PALLD: variants seen among roughly 807,000 people sequenced by gnomAD.
PALLD encodes the protein palladin.
A neutral mutation model predicts 123.5 loss-of-function variants in PALLD; 61 were observed. The ratio of observed to expected loss-of-function variants is 0.49; its 90% confidence interval spans 0.40 to 0.61. PALLD has a LOEUF of 0.61. Among genes scored for constraint, PALLD ranks in the 20% least tolerant of loss-of-function variants. PALLD has a pLI of 0.00. For synonymous variants in PALLD, 465 were observed against 496.4 expected, an observed-to-expected ratio of 0.94 and a Z score of 0.84; for missense variants, 1,273 against 1,377.0, an observed-to-expected ratio of 0.92 and a Z score of 1.20.
chr4:168,670,756 CAAA>C (rs1297875131), intron 3 of PALLD, among the ~76,000 whole-genome samples: 20 of 70,270 alleles, frequency 2.8e-4, no homozygotes, highest in Non-Finnish European at 3.8e-4. Flanking sequence ...ACAAAAAAAA[CAAA>C]AAAAACAAAA....
chr4:168,522,371 G>A (rs1561205877), intron 2 of PALLD, among the ~76,000 whole-genome samples: 1 of 152,192 alleles, frequency 6.6e-6, no homozygotes, highest in Non-Finnish European at 1.5e-5. Context: ...AAAGGAAAAG[G>A]ATGTGCTTTT....
At chr4:168,651,584 T>C (rs1363768358) in intron 2 of PALLD, among the ~76,000 whole-genome samples, 1 of 152,270 alleles carries the variant, frequency 6.6e-6, no homozygotes, top group East Asian at 1.9e-4. Context: ...ACTCTTTTTT[T>C]TTCCCCCCCG....
chr4:168,835,466 G>C (rs951143813), intron 10 of PALLD, among the ~76,000 whole-genome samples: 5 of 152,142 alleles, frequency 3.3e-5, no homozygotes, highest in Admixed American at 3.3e-4. Context: ...CCAGATTTGA[G>C]AAAAAGCTGC....
intron 10 of PALLD, among the ~76,000 whole-genome samples, chr4:168,860,058 T>C (rs1202213481): frequency 6.6e-6 from 1 of 152,240 alleles, no homozygotes; most frequent in Non-Finnish European, 1.5e-5. Context: ...GGCTAATGGC[T>C]ACCATAGTGG....
chr4:168,916,064 C>A, intron 17 of PALLD, 37 bp downstream of exon 17: 1 of 1,592,056 alleles, frequency 6.3e-7, no homozygotes. Context: ...CCTATTGCCC[C>A]ACTTCTCCCT....
rs184804401 is a variant in PALLD at position 168,534,414 on chromosome 4, T to C, written c.908+22002T>C. ...CCTTCTTGCCTTTCAATCATTTGTC[T>C]GTCTTATTAGGGAAATGAATTGTTA... On this transcript the variant is annotated intron_variant, in intron 2 of 21. Transcript: ENST00000505667. Among the ~76,000 whole-genome samples, 17 of 152,372 alleles carry C rather than the reference T, an allele frequency of 1.1e-4. No homozygotes were observed. The East Asian group carries it at 3.3e-3, about 29-fold the overall frequency.
intron 4 of PALLD, among the ~76,000 whole-genome samples, chr4:168,681,701 C>T (rs1781570717): frequency 6.6e-6 from 1 of 152,004 alleles, no homozygotes; most frequent in Non-Finnish European, 1.5e-5. Context: ...TACACCACCA[C>T]ACCTGGCTAA....
chr4:168,708,372 G>T (rs1262038221), intron 8 of PALLD, among the ~76,000 whole-genome samples: 1 of 152,008 alleles, frequency 6.6e-6, no homozygotes, highest in Admixed American at 6.6e-5. Context: ...TTCTATTATT[G>T]TCTCCATTTT....
intron 10 of PALLD, among the ~76,000 whole-genome samples, chr4:168,835,134 C>T (rs1011744041): frequency 7.2e-5 from 11 of 152,172 alleles, no homozygotes; most frequent in African/African-American, 2.6e-4. Flanking sequence ...AAGGTGTATT[C>T]GACATTTTCT....
intron 2 of PALLD, among the ~76,000 whole-genome samples, chr4:168,550,249 T>G (rs914562981): frequency 2.6e-5 from 4 of 151,408 alleles, no homozygotes; most frequent in African/African-American, 9.7e-5. Flanking sequence ...GGGATGACTT[T>G]ACTTTGTCTG....
intron 2 of PALLD, among the ~76,000 whole-genome samples, chr4:168,606,593 G>A (rs1338645950): frequency 6.8e-6 from 1 of 147,738 alleles, no homozygotes; most frequent in Non-Finnish European, 1.5e-5. Flanking sequence ...AGAATGGCTT[G>A]AACCTGGGAG....
chr4:168,918,673 T>A (rs957950469), intron 17 of PALLD, among the ~76,000 whole-genome samples: 1 of 152,036 alleles, frequency 6.6e-6, no homozygotes, highest in Non-Finnish European at 1.5e-5. Context: ...TAAGAGTAGG[T>A]TTTAAGTGTT....
At chr4:168,815,420 T>TA (rs1741761443) in intron 10 of PALLD, among the ~76,000 whole-genome samples, 1 of 152,238 alleles carries the variant, frequency 6.6e-6, no homozygotes, top group Non-Finnish European at 1.5e-5. Context: ...ATTTGTCACT[T>TA]ACACCTTGCC....
intron 2 of PALLD, among the ~76,000 whole-genome samples, chr4:168,608,351 C>T (rs970944484): frequency 1.2e-4 from 19 of 152,144 alleles, no homozygotes; most frequent in African/African-American, 3.1e-4. Context: ...CATCTCAAGA[C>T]GGTTTTAGTC....
At chr4:168,832,106 G>C in intron 10 of PALLD, 1 of 985,446 alleles carries the variant, frequency 1.0e-6, no homozygotes, top group South Asian at 4.7e-5. Context: ...CGCGGAGCCC[G>C]CTGCAGCTCC....
intron 2 of PALLD, among the ~76,000 whole-genome samples, chr4:168,528,255 T>A (rs2149474728): frequency 6.6e-6 from 1 of 152,238 alleles, no homozygotes; most frequent in East Asian, 1.9e-4. Context: ...TGCTAAGGAT[T>A]ACTCACAGGC....
chr4:168,694,737 C>T (rs891667972), intron 8 of PALLD, among the ~76,000 whole-genome samples: 3 of 152,228 alleles, frequency 2.0e-5, no homozygotes, highest in African/African-American at 4.8e-5. Context: ...ACTGCTGCGT[C>T]GTATCTGTCT....
intron 1 of PALLD, 88 bp from the exon 2 acceptor site, chr4:168,511,335 T>C: frequency 1.6e-6 from 1 of 609,708 alleles, no homozygotes; most frequent in Non-Finnish European, 2.9e-6. Context: ...TTCACTTTAA[T>C]GTTTCTCCCA....
chr4:168,920,021 A>G (rs908482033), intron 17 of PALLD, among the ~76,000 whole-genome samples: 1 of 152,210 alleles, frequency 6.6e-6, no homozygotes, highest in African/African-American at 2.4e-5. Context: ...CTGTGGCTTC[A>G]GTCAGTAGAT....
Sources: allele counts gnomAD v4.1 joint callset (sites outside exome capture counted in the v4.1 genomes callset), GRCh38; gene constraint gnomAD v4.1.1; transcripts MANE v1.5; gene names NCBI Gene and HGNC (gene_info 2026-07-23, HGNC 2026-07-21).